The following WDR6 variants were observed in gnomAD, a reference collection of about 807,000 sequenced individuals.
The protein encoded by WDR6 is WD repeat domain 6.
In WDR6, 58 loss-of-function variants were observed where a neutral mutation model predicts 85.6. The ratio of observed to expected loss-of-function variants is 0.68; its 90% CI spans 0.55 to 0.84. The LOEUF (loss-of-function observed/expected upper bound fraction) is 0.84, where lower values mean the gene tolerates loss of function less well. WDR6 is among the 40% of genes least tolerant of loss of function. The pLI is 0.00. For synonymous variants in WDR6, 569 were observed against 582.2 expected (o/e 0.98, Z 0.33); for missense variants, 1,310 against 1,476.4 (o/e 0.89, Z 1.85).
At position 49,014,739 on chromosome 3, in the gene WDR6, C is replaced by T. The variant is rs1202748340; in HGVS notation, c.2902+21C>T. On this transcript the variant is annotated intron_variant, in intron 5 of 5. Transcript: ENST00000608424. The surrounding 1 kb of genome is among the most constrained non-coding windows in gnomAD (Gnocchi z 4.9). ...CTACCGTGAGTAGCTAATGTGCAAC[C>T]ATGGCTACCCCTCCTCACCTGTCAC... The T allele has an allele frequency of 1.2e-6, 2 of 1,611,976 alleles. No homozygotes were observed. The highest frequency in any genetic ancestry group is 4.5e-5 in the East Asian group (2 of 44,872).
Position 49,013,310 on chromosome 3 carries a change from C to T in WDR6, c.1776C>T (p.Tyr592=). 2 of 1,614,152 alleles carry T rather than the reference C, an allele frequency of 1.2e-6. No individual in the cohort carries two copies. The highest frequency in any genetic ancestry group is 1.7e-6 in the Non-Finnish European group (2 of 1,180,022). ...CCACAGGGCGTGATGGAGCCTACTACCAGCTGTTTGTACGAGACGGCCAGC... is the reference window on the plus strand; with the variant it reads ...CCACAGGGCGTGATGGAGCCTACTATCAGCTGTTTGTACGAGACGGCCAGC... ...VYTTGRDGAY[Y]QLFVRDGQLQ... The change falls in exon 2 of 6, where the codon TAC becomes TAT. Residue 592 remains tyrosine (Y), a synonymous_variant. Transcript: ENST00000608424. The surrounding 1 kb of genome is among the most constrained non-coding windows in gnomAD (Gnocchi z 4.6).
At chr3:49,009,655 A>G (rs2093004265) in intron 1 of WDR6, among the ~76,000 whole-genome samples, 1 of 151,926 alleles carries the variant, frequency 6.6e-6, no homozygotes, top group African/African-American at 2.4e-5. Context: ...CCTGTGGAGA[A>G]CCACTGGATT....
chr3:49,012,121 A>G lies in WDR6; in HGVS notation c.587A>G (p.Asn196Ser). Residue 196 changes from asparagine (N) to serine (S), a missense_variant, in exon 2 of 6, where the codon AAC becomes AGC. Physicochemically the swap from Asn to Ser is conservative, Grantham distance 46 (BLOSUM62 1). Coordinates refer to ENST00000608424, the MANE Select transcript of WDR6 (RefSeq NM_018031.6). The surrounding 1 kb of genome is among the most constrained non-coding windows in gnomAD (Gnocchi z 4.4). ...TACCCAGCAACTGCCTTAGCAGACA[A>G]CAAACCTGTAGCACCTGACCGACGA... ...VWYPATALADNKPVAPDRRIS... is the reference protein window; with the variant it reads ...VWYPATALADSKPVAPDRRIS... 1.2e-6 allele frequency: 2 copies of G among 1,614,160 alleles called. No homozygotes were observed. The highest frequency in any genetic ancestry group is 1.7e-6 in the Non-Finnish European group (2 of 1,180,038).
intron 1 of WDR6, 171 bp from the exon 2 acceptor site, chr3:49,011,464 G>C: frequency 6.3e-7 from 1 of 1,588,550 alleles, no homozygotes; most frequent in Non-Finnish European, 8.5e-7. Context: ...ACAGGCGTGA[G>C]CCACCGCACC....
chr3:49,013,182 G>A lies in WDR6; in HGVS notation c.1648G>A (p.Gly550Ser). The change falls in exon 2 of 6, where the codon GGT (glycine) becomes AGT (serine). Residue 550 changes from glycine to serine, a missense_variant. By Grantham distance (56) the Gly-to-Ser change is moderately conservative (BLOSUM62 0). Coordinates refer to ENST00000608424, the MANE Select transcript of WDR6 (RefSeq NM_018031.6). This position sits in a 1 kb window ranked among gnomAD's most constrained non-coding sequence, Gnocchi z 4.6. The part of the protein sequence containing the change: ...APVVGSGSSG[G>S]GNAFTGLGPV... ...TGTAGTGGGTAGTGGTAGTAGTGGG[G>A]GTGGGAATGCTTTCACTGGGTTGGG... 6.2e-7 allele frequency: 1 copy of A among 1,612,656 alleles called. No individual in the cohort carries two copies. Among genetic ancestry groups the A allele is most frequent in the Non-Finnish European group, 8.5e-7 (1 of 1,179,170 alleles).
rs765833765 is a variant in WDR6, at chr3:49,013,590, G to T, written c.2056G>T (p.Gly686Cys). The T allele has an allele frequency of 1.7e-5, 27 of 1,614,054 alleles. No individual in the cohort carries two copies. Among genetic ancestry groups the T allele is most frequent in the Non-Finnish European group, 2.1e-5 (25 of 1,180,002 alleles). ...DGDVMLYRALGGCTRPHVILR... is the reference protein window; with the variant it reads ...DGDVMLYRALCGCTRPHVILR... The stretch of plus-strand genomic sequence containing the variant: ...GGATGTCATGCTGTACAGGGCTCTG[G>T]GTGGCTGCACCCGGCCACACGTGAT... Residue 686 changes from glycine (G) to cysteine (C), a missense_variant, in exon 2 of 6, where the codon GGT becomes TGT. Transcript: ENST00000608424. This position sits in a 1 kb window ranked among gnomAD's most constrained non-coding sequence, Gnocchi z 4.6.
In WDR6 at chr3:49,012,567, C is replaced by T. The variant is rs371510891; in HGVS notation, c.1033C>T (p.Arg345Cys). ...GGTCTCGGCTCTCTGCTTCAAGTCC[C>T]GTAGTAGGCCAGGTACACTCAAGGC... is the stretch of plus-strand genomic sequence containing the variant. The part of the protein sequence containing the change: ...LGVSALCFKS[R>C]SRPGTLKAVT... Residue 345 changes from arginine to cysteine, a missense_variant, in exon 2 of 6, where the codon CGT becomes TGT. Coordinates refer to ENST00000608424, the MANE Select transcript of WDR6 (RefSeq NM_018031.6). The surrounding 1 kb of genome is among the most constrained non-coding windows in gnomAD (Gnocchi z 4.4). The T allele has an allele frequency of 1.8e-5, 29 of 1,613,856 alleles. No individual in the cohort carries two copies. Among genetic ancestry groups the T allele is most frequent in the East Asian group, 2.2e-5 (1 of 44,870 alleles).
chr3:49,013,486 T>C lies in WDR6; in HGVS notation c.1952T>C (p.Val651Ala), dbSNP rs947718954. 2 of 1,614,084 alleles carry C rather than the reference T, an allele frequency of 1.2e-6. No homozygotes were observed. The highest frequency in any genetic ancestry group is 2.7e-5 in the African/African-American group (2 of 75,014). Residue 651 changes from valine (V) to alanine (A), a missense_variant, in exon 2 of 6, where the codon GTC (valine) becomes GCC (alanine). Val to Ala is a moderately conservative substitution (Grantham distance 64). Coordinates refer to ENST00000608424, the MANE Select transcript of WDR6 (RefSeq NM_018031.6). The surrounding 1 kb of genome is among the most constrained non-coding windows in gnomAD (Gnocchi z 4.6). ...NPRSHEKLHI[V>A]NCGGGHRSWA... Reference sequence around the variant, plus strand: ...CGGTCACACGAGAAGCTGCACATCGTCAACTGTGGTGGAGGGCACCGTTCG... The same window carrying C: ...CGGTCACACGAGAAGCTGCACATCGCCAACTGTGGTGGAGGGCACCGTTCG...
In WDR6 at chr3:49,011,763, G is replaced by A. The variant is rs751238652; in HGVS notation, c.229G>A (p.Asp77Asn). ...CCGGGTACGGCCAGAGCCTAATGGAGACCTTGACTTGGAGGCCATGGTGGC... is the reference window on the plus strand; with the variant it reads ...CCGGGTACGGCCAGAGCCTAATGGAAACCTTGACTTGGAGGCCATGGTGGC... ...GFRVRPEPNG[D>N]LDLEAMVAVF... is the part of the protein sequence containing the mutation. Residue 77 changes from aspartate to asparagine, a missense_variant, in exon 2 of 6, where the codon GAC becomes AAC. Transcript: ENST00000608424. 2.5e-6 allele frequency: 4 copies of A among 1,614,220 alleles called. No homozygotes were observed. The South Asian group carries it at 3.3e-5, about 13-fold the overall frequency.
chr3:49,013,951 G>C lies in WDR6; in HGVS notation c.2417G>C (p.Gly806Ala), dbSNP rs148963800. Residue 806 changes from glycine (G) to alanine (A), a missense_variant, in exon 2 of 6, where the codon GGG becomes GCG. Physicochemically the swap from Gly to Ala is moderately conservative, Grantham distance 60. Transcript: ENST00000608424. The surrounding 1 kb of genome is among the most constrained non-coding windows in gnomAD (Gnocchi z 4.6). ...CTGACTGCCCATGTGGTGTCTGCGG[G>C]GGGGCGGGCTGAGATGCACTGCTTC... ...PGLTAHVVSA[G>A]GRAEMHCFSI... 1.9e-6 allele frequency: 3 copies of C among 1,612,666 alleles called. No individual in the cohort carries two copies. Among genetic ancestry groups the C allele is most frequent in the South Asian group, 1.1e-5 (1 of 91,086 alleles).
At chr3:49,011,465 C>T in intron 1 of WDR6, 170 bp from the exon 2 acceptor site, 2 of 1,590,358 alleles carry the variant, frequency 1.3e-6, no homozygotes, top group Non-Finnish European at 1.7e-6. Flanking sequence ...CAGGCGTGAG[C>T]CACCGCACCC....
rs781686414 is a variant in WDR6 at position 49,012,429 on chromosome 3, C to T, written c.895C>T (p.Arg299Cys). The T allele has an allele frequency of 3.5e-5, 57 of 1,613,994 alleles. No individual in the cohort carries two copies. The highest frequency in any genetic ancestry group is 2.7e-4 in the African/African-American group (20 of 74,902). ...CCAGGCCTTTCGGGGACACCAGGGA[C>T]GTGGGATCCGGGCCATAGCTGCCCA... ...ILQAFRGHQG[R>C]GIRAIAAHER... The change falls in exon 2 of 6, where the codon CGT becomes TGT. Residue 299 changes from arginine to cysteine, a missense_variant. Arg to Cys is a radical substitution (Grantham distance 180). Transcript: ENST00000608424. The surrounding 1 kb of genome is among the most constrained non-coding windows in gnomAD (Gnocchi z 4.4).
rs768385855 is a variant in WDR6 at position 49,015,095 on chromosome 3, T to G, written c.3173T>G (p.Ile1058Ser). 1.2e-6 allele frequency: 2 copies of G among 1,614,138 alleles called. No homozygotes were observed. The highest frequency in any genetic ancestry group is 1.7e-6 in the Non-Finnish European group (2 of 1,180,030). ...GGCCTCAAGATCCTAAGCCCAAGCA[T>G]CATGGTCTCAGCCTCCATTGATCAA... ...VTGLKILSPS[I>S]MVSASIDQRL... Residue 1058 changes from isoleucine to serine, a missense_variant, in exon 6 of 6, where the codon ATC becomes AGC. Physicochemically the swap from Ile to Ser is moderately radical, Grantham distance 142 (BLOSUM62 -2). Transcript: ENST00000608424.
chr3:49,015,319 T>G lies in WDR6; in HGVS notation c.*31T>G. On this transcript the variant is annotated 3_prime_UTR_variant, in exon 6 of 6. Transcript: ENST00000608424. ...CCTGCGGTGGCTGGCGTGCTGGGCA[T>G]GGGGCCTGCTCACAGACAGCATGGA... The G allele has an allele frequency of 6.3e-7, 1 of 1,596,520 alleles. No homozygotes were observed. Among genetic ancestry groups the G allele is most frequent in the Non-Finnish European group, 8.5e-7 (1 of 1,174,808 alleles).
chr3:49,015,943 T>C lies in WDR6; in HGVS notation c.*655T>C. ...CCCCAGGCCAGAATAAAGAATAGAG[T>C]GTAGAGTGTCCTGGTTGTCTATGCC... On this transcript the variant is annotated 3_prime_UTR_variant, in exon 6 of 6. Coordinates refer to ENST00000608424, the MANE Select transcript of WDR6 (RefSeq NM_018031.6). 6.2e-7 allele frequency: 1 copy of C among 1,613,998 alleles called. No homozygotes were observed. Among genetic ancestry groups the C allele is most frequent in the South Asian group, 1.1e-5 (1 of 91,078 alleles).
At position 49,013,125 on chromosome 3, in the gene WDR6, G is replaced by A. The variant is rs539317284; in HGVS notation, c.1591G>A (p.Gly531Arg). Residue 531 changes from glycine to arginine, a missense_variant, in exon 2 of 6, where the codon GGA becomes AGA. Physicochemically the swap from Gly to Arg is moderately radical, Grantham distance 125 (BLOSUM62 -2). Coordinates refer to ENST00000608424, the MANE Select transcript of WDR6 (RefSeq NM_018031.6). The surrounding 1 kb of genome is among the most constrained non-coding windows in gnomAD (Gnocchi z 4.6). ...AGGTCTGCTCAAGGACCCTGGGGTG[G>A]GAGGCAAGGCTCGGGCTGGTGCTGG... is the stretch of plus-strand genomic sequence containing the variant. Reference protein sequence around the residue: ...RPGLLKDPGVGGKARAGAGAP... With the variant: ...RPGLLKDPGVRGKARAGAGAP... 3.7e-6 allele frequency: 6 copies of A among 1,607,916 alleles called. No individual in the cohort carries two copies. Among genetic ancestry groups the A allele is most frequent in the South Asian group, 3.3e-5 (3 of 90,570 alleles).
rs1267337614 is a variant in WDR6 at position 49,012,522 on chromosome 3, C to T, written c.988C>T (p.Arg330Cys). The T allele has an allele frequency of 5.6e-6, 9 of 1,613,822 alleles. No individual in the cohort carries two copies. Among genetic ancestry groups the T allele is most frequent in the African/African-American group, 2.7e-5 (2 of 74,876 alleles). ...CATTCGGCTGTGGCACTTGGTAGGG[C>T]GTGGGTACCGGGGATTGGGGGTCTC... ...SGIRLWHLVG[R>C]GYRGLGVSAL... Residue 330 changes from arginine (R) to cysteine (C), a missense_variant, in exon 2 of 6, where the codon CGT (arginine) becomes TGT (cysteine). Transcript: ENST00000608424. This position sits in a 1 kb window ranked among gnomAD's most constrained non-coding sequence, Gnocchi z 4.4.
At position 49,013,218 on chromosome 3, in the gene WDR6, A is replaced by T; in HGVS notation, c.1684A>T (p.Thr562Ser). 1 of 1,613,782 alleles carries T rather than the reference A, an allele frequency of 6.2e-7. No homozygotes were observed. The highest frequency in any genetic ancestry group is 8.5e-7 in the Non-Finnish European group (1 of 1,179,970). Residue 562 changes from threonine (T) to serine (S), a missense_variant, in exon 2 of 6, where the codon ACC becomes TCC. Thr to Ser is a moderately conservative substitution (Grantham distance 58). Coordinates refer to ENST00000608424, the MANE Select transcript of WDR6 (RefSeq NM_018031.6). The surrounding 1 kb of genome is among the most constrained non-coding windows in gnomAD (Gnocchi z 4.6). ...NAFTGLGPVS[T>S]LPSLHGKQGV... ...TTTCACTGGGTTGGGCCCAGTGTCT[A>T]CCCTGCCCTCTCTGCACGGGAAGCA...
chr3:49,011,830 G>A lies in WDR6; in HGVS notation c.296G>A (p.Trp99Ter), dbSNP rs747990247. The stretch of plus-strand genomic sequence containing the variant: ...GGACTCCGAGTTGTGAAAATTAGCT[G>A]GGGACAGGGCCACTTCTGGGAGCTT... ...SKGLRVVKIS[W>*]GQGHFWELWR... Residue 99 changes from tryptophan to a stop codon, truncating the protein, a stop_gained, in exon 2 of 6, where the codon TGG (tryptophan) becomes TAG (stop). Transcript: ENST00000608424. LOFTEE classifies it high-confidence loss of function. 6.2e-7 allele frequency: 1 copy of A among 1,614,240 alleles called. No homozygotes were observed.
Sources: gnomAD v4.1 joint callset for allele counts (sites outside exome capture counted in the v4.1 genomes callset) on GRCh38, gnomAD v4.1.1 for gene constraint, Gnocchi (gnomAD v3.1) non-coding constraint, MANE v1.5 for transcripts, NCBI Gene and HGNC (gene_info 2026-07-23, HGNC 2026-07-21) for gene names.